KCNIP4: variants seen among roughly 807,000 people sequenced by gnomAD.
The protein encoded by KCNIP4 is potassium voltage-gated channel interacting protein 4, also known as Kv channel-interacting protein 4.
A neutral mutation model predicts 34.0 loss-of-function variants in KCNIP4; 12 were observed. The observed-to-expected ratio is 0.35, with a 90% CI of 0.23 to 0.57. KCNIP4 has a LOEUF of 0.57. Among genes scored for constraint, KCNIP4 ranks in the 20% least tolerant of loss-of-function variants. The pLI, the probability that KCNIP4 is intolerant of heterozygous loss-of-function variation, is 0.83. For missense variants in KCNIP4, 238 were observed against 311.7 expected (o/e 0.76, Z 1.78); for synonymous variants, 124 against 102.2 (o/e 1.21, Z -1.29).
At chr4:21,390,156 T>C (rs4254756) in intron 1 of KCNIP4, among the ~76,000 whole-genome samples, 74,046 of 151,912 alleles carry the variant, frequency 0.49, 20,563 homozygotes, top group Non-Finnish European at 0.62. Context: ...GTTGTTTGTT[T>C]TTTTCTTGTA....
At chr4:21,009,013 G>GA (rs71655611) in intron 1 of KCNIP4, among the ~76,000 whole-genome samples, 19,800 of 151,750 alleles carry the variant, frequency 0.13, 1,706 homozygotes, top group Non-Finnish European at 0.19. Context: ...TATTGCACTA[G>GA]AAAAAAAATA....
chr4:21,206,858 C>T lies in KCNIP4; in HGVS notation c.62-324149G>A, dbSNP rs563015097. On this transcript the variant is annotated intron_variant, in intron 1 of 8. Transcript: ENST00000382152. ...AAAGGAGGTGGAGCCAGAATTCAAT[C>T]GTGGGGCTATCCAATTTGGAAATCC... 1.2e-3 allele frequency among the ~76,000 whole-genome samples: 177 copies of T among 152,308 alleles called. 1 individual carries two copies. The highest frequency in any genetic ancestry group is 3.8e-3 in the African/African-American group (159 of 41,564).
In KCNIP4 at chr4:20,957,192, C is replaced by G. The variant is rs142137174; in HGVS notation, c.62-74483G>C. Among the ~76,000 whole-genome samples, 22 of 152,300 alleles carry G rather than the reference C, an allele frequency of 1.4e-4. No individual in the cohort carries two copies. The South Asian group carries it at 1.7e-3, about 11-fold the overall frequency. On this transcript the variant is annotated intron_variant, in intron 1 of 8. Coordinates refer to ENST00000382152, the MANE Select transcript of KCNIP4 (RefSeq NM_025221.6). The stretch of plus-strand genomic sequence containing the variant: ...GACCAAGAACGGGTACCTCGGTTTT[C>G]TTTCTTCAGATTCCACATTCTTCCT...
chr4:21,316,588 AGAC>A (rs1293505639), intron 1 of KCNIP4: 1 of 152,248 alleles, frequency 6.6e-6, no homozygotes, highest in Admixed American at 6.5e-5. Flanking sequence ...ATGAAAAGTG[AGAC>A]CACTGGCAAC....
chr4:21,194,679 C>T (rs1475417062), intron 1 of KCNIP4, among the ~76,000 whole-genome samples: 1 of 152,120 alleles, frequency 6.6e-6, no homozygotes, highest in Non-Finnish European at 1.5e-5. Flanking sequence ...CCACACTACC[C>T]CCATGCGCTT....
chr4:20,797,900 T>A (rs1366291196), intron 3 of KCNIP4, among the ~76,000 whole-genome samples: 1 of 152,186 alleles, frequency 6.6e-6, no homozygotes, highest in Non-Finnish European at 1.5e-5. Flanking sequence ...GGTTTTGCAG[T>A]TTCTTTGGAA....
chr4:21,107,129 C>T (rs944235338), intron 1 of KCNIP4, among the ~76,000 whole-genome samples: 2 of 146,990 alleles, frequency 1.4e-5, no homozygotes, highest in Non-Finnish European at 3.0e-5. Context: ...TGGTGCAGAG[C>T]TGAGTTCAAT....
chr4:21,215,661 A>T (rs1757501765), intron 1 of KCNIP4, among the ~76,000 whole-genome samples: 1 of 152,170 alleles, frequency 6.6e-6, no homozygotes, highest in Non-Finnish European at 1.5e-5. Flanking sequence ...ATCTTACAGG[A>T]TAGGTACTAG....
At chr4:21,347,321 C>A (rs1578109584) in intron 1 of KCNIP4, among the ~76,000 whole-genome samples, 1 of 152,182 alleles carries the variant, frequency 6.6e-6, no homozygotes, top group South Asian at 2.1e-4. Context: ...TGGAAGCTGG[C>A]ACCCCAGAGG....
intron 1 of KCNIP4, among the ~76,000 whole-genome samples, chr4:20,968,051 C>T (rs1313909644): frequency 6.6e-6 from 1 of 152,048 alleles, no homozygotes; most frequent in Admixed American, 6.6e-5. Flanking sequence ...GGCTAATATC[C>T]AGAATCTAGA....
At chr4:21,135,150 A>C (rs894267151) in intron 1 of KCNIP4, among the ~76,000 whole-genome samples, 9 of 152,234 alleles carry the variant, frequency 5.9e-5, no homozygotes, top group Non-Finnish European at 1.2e-4. Context: ...AAAGATGGTC[A>C]GGTTCACCAG....
At chr4:21,094,428 G>A (rs577236060) in intron 1 of KCNIP4, among the ~76,000 whole-genome samples, 19 of 152,280 alleles carry the variant, frequency 1.2e-4, no homozygotes, top group African/African-American at 3.1e-4. Context: ...CTCTGGTGAC[G>A]GCTAGAAGAT....
chr4:21,566,418 C>T (rs772325916), intron 1 of KCNIP4, among the ~76,000 whole-genome samples: 14 of 151,984 alleles, frequency 9.2e-5, no homozygotes, highest in African/African-American at 2.4e-4. Context: ...TATTCTTGTG[C>T]GGTGAGTGAG....
At chr4:21,549,054 G>A (rs780926491) in intron 1 of KCNIP4, among the ~76,000 whole-genome samples, 10 of 151,494 alleles carry the variant, frequency 6.6e-5, no homozygotes, top group Non-Finnish European at 1.0e-4. Flanking sequence ...ATCAAAAATG[G>A]AGACCAGGCC....
At chr4:21,431,835 G>C (rs1321679063) in intron 1 of KCNIP4, among the ~76,000 whole-genome samples, 1 of 150,336 alleles carries the variant, frequency 6.7e-6, no homozygotes, top group African/African-American at 2.4e-5. Flanking sequence ...GAGAAACACA[G>C]ATAGGGAACA....
At position 21,925,399 on chromosome 4, in the gene KCNIP4, C is replaced by A. The variant is rs566155646; in HGVS notation, c.61+23172G>T. On this transcript the variant is annotated intron_variant, in intron 1 of 8. Coordinates refer to ENST00000382152, the MANE Select transcript of KCNIP4 (RefSeq NM_025221.6). ...GTTTCCAGTTTCATCCATGTCCCTA[C>A]AAAGGACATGAACTCATCATTTTTT... Among the ~76,000 whole-genome samples, 50 of 152,238 alleles carry A rather than the reference C, an allele frequency of 3.3e-4. No individual in the cohort carries two copies. The South Asian group carries it at 7.3e-3, about 22-fold the overall frequency.
At chr4:21,464,772 C>T (rs1729769083) in intron 1 of KCNIP4, 3 of 152,124 alleles carry the variant, frequency 2.0e-5, no homozygotes, top group Admixed American at 6.6e-5. Flanking sequence ...ACCTGACAGA[C>T]ATTTACACAA....
At chr4:21,352,014 C>T (rs1300132052) in intron 1 of KCNIP4, among the ~76,000 whole-genome samples, 1 of 152,096 alleles carries the variant, frequency 6.6e-6, no homozygotes, top group East Asian at 1.9e-4. Context: ...TCAGTTATGT[C>T]CTGAGGCCAT....
intron 1 of KCNIP4, among the ~76,000 whole-genome samples, chr4:21,714,787 T>TTTATTTCATTTTATC (rs1553923861): frequency 8.3e-5 from 1 of 12,022 alleles, no homozygotes; most frequent in African/African-American, 3.3e-4. Flanking sequence ...TTCCCTTTGA[T>TTTATTTCATTTTATC]TATTTTATTT....
Sources: gnomAD v4.1 joint callset for allele counts (sites outside exome capture counted in the v4.1 genomes callset) on GRCh38, gnomAD v4.1.1 for gene constraint, MANE v1.5 for transcripts, NCBI Gene and HGNC (gene_info 2026-07-23, HGNC 2026-07-21) for gene names.